WT1: variants seen among roughly 807,000 people sequenced by gnomAD.
WT1 encodes the protein WT1 transcription factor.
Under a neutral mutation model 60.8 loss-of-function variants are expected in WT1, and 8 were observed. The ratio of observed to expected loss-of-function variants is 0.13; its 90% CI spans 0.08 to 0.24. The LOEUF (loss-of-function observed/expected upper bound fraction) is 0.24, where lower values mean the gene tolerates loss of function less well. WT1 is among the 10% of genes least tolerant of loss of function. WT1 has a pLI of 1.00. For missense variants in WT1, 568 were observed against 711.8 expected, an observed-to-expected ratio of 0.80 and a Z score of 2.30; for synonymous variants, 312 against 297.1, an observed-to-expected ratio of 1.05 and a Z score of -0.52.
intron 3 of WT1, among the ~76,000 whole-genome samples, chr11:32,424,644 A>G (rs1363118209): frequency 1.3e-5 from 2 of 152,186 alleles, no homozygotes; most frequent in African/African-American, 2.4e-5. Flanking sequence ...GTCATTTCCC[A>G]TAAGTTGCTG....
intron 5 of WT1, among the ~76,000 whole-genome samples, chr11:32,412,446 A>T (rs1590366561): frequency 6.6e-6 from 1 of 152,132 alleles, no homozygotes; most frequent in Non-Finnish European, 1.5e-5. Context: ...TCCCCAGAGA[A>T]TAACTTCTTC....
At chr11:32,413,967 G>A (rs2133020937) in intron 5 of WT1, among the ~76,000 whole-genome samples, 2 of 152,308 alleles carry the variant, frequency 1.3e-5, no homozygotes, top group Admixed American at 1.3e-4. Context: ...TGTGGCCATA[G>A]TGTCCTGGGG....
At chr11:32,425,109 T>C (rs1852984148) in intron 3 of WT1, among the ~76,000 whole-genome samples, 1 of 147,166 alleles carries the variant, frequency 6.8e-6, no homozygotes. Context: ...ATCTGGGAGA[T>C]GGAGTTGCAG....
intron 3 of WT1, among the ~76,000 whole-genome samples, chr11:32,420,779 G>A (rs969311155): frequency 6.6e-6 from 1 of 152,274 alleles, no homozygotes; most frequent in Admixed American, 6.5e-5. Flanking sequence ...AGAAAATGAC[G>A]ATGCTGCAAG....
At position 32,389,012 on chromosome 11, in the gene WT1, C is replaced by T. The variant is rs773040516; in HGVS notation, c.*46G>A. On this transcript the variant is annotated 3_prime_UTR_variant, in exon 10 of 10. Transcript: ENST00000452863. ...GAGAGTCAGACTTGAAAGCAGTTCA[C>T]ACACTGTGCTGCCTGGGACACTGAA... 3 of 1,613,706 alleles carry T rather than the reference C, an allele frequency of 1.9e-6. No homozygotes were observed. The highest frequency in any genetic ancestry group is 2.5e-6 in the Non-Finnish European group (3 of 1,179,920).
At chr11:32,412,794 T>C (rs1210707222) in intron 5 of WT1, among the ~76,000 whole-genome samples, 2 of 146,052 alleles carry the variant, frequency 1.4e-5, no homozygotes, top group Non-Finnish European at 3.0e-5. Context: ...CTGACTTAAA[T>C]TGAAATACAT....
rs973994577 is a variant in WT1 at position 32,417,518 on chromosome 11, A to G, written c.965+59T>C. 8.1e-6 allele frequency: 12 copies of G among 1,483,874 alleles called. No individual in the cohort carries two copies. In the African/African-American group the frequency reaches 1.7e-4, roughly 21 times the overall value. The allele number at this position is 1,483,874 out of a possible 1,614,324, so 91.9% of individuals were successfully genotyped here. ...TCTTCATAAGTTCTAAGCACCTTTG[A>G]AATGGTTCAAACAGGTATAAGTTAC... is the stretch of plus-strand genomic sequence containing the variant. On this transcript the variant is annotated intron_variant, in intron 4 of 9. Transcript: ENST00000452863.
At chr11:32,426,193 C>T (rs145995838) in intron 3 of WT1, among the ~76,000 whole-genome samples, 1 of 152,248 alleles carries the variant, frequency 6.6e-6, no homozygotes, top group African/African-American at 2.4e-5. Flanking sequence ...CCTCCCATAT[C>T]GACAGTGCCC....
chr11:32,401,663 C>T (rs113810570), intron 5 of WT1, among the ~76,000 whole-genome samples: 2 of 152,186 alleles, frequency 1.3e-5, no homozygotes, highest in African/African-American at 4.8e-5. Context: ...CCTCAGCCTC[C>T]GGAGTAGCTG....
At chr11:32,408,213 G>GAAAAA (rs528702262) in intron 5 of WT1, among the ~76,000 whole-genome samples, 1 of 107,998 alleles carries the variant, frequency 9.3e-6, no homozygotes. Flanking sequence ...CTCCATCTCA[G>GAAAAA]AAAAAAAAAA....
At chr11:32,403,572 CTTTTTT>C (rs398055138) in intron 5 of WT1, among the ~76,000 whole-genome samples, 2 of 128,776 alleles carry the variant, frequency 1.6e-5, no homozygotes, top group Non-Finnish European at 1.6e-5. Context: ...ATGAATATTA[CTTTTTT>C]TTTTTTTTTT....
At chr11:32,428,280 A>C (rs147467689) in intron 2 of WT1, among the ~76,000 whole-genome samples, 1 of 152,352 alleles carries the variant, frequency 6.6e-6, no homozygotes, top group East Asian at 1.9e-4. Flanking sequence ...CCCTCCGGAC[A>C]TTCATAGACT....
chr11:32,416,455 C>T (rs552721179), intron 5 of WT1, 35 bp downstream of exon 5: 2 of 1,613,928 alleles, frequency 1.2e-6, no homozygotes, highest in African/African-American at 1.3e-5. Context: ...AAGGCCTACG[C>T]CATTTGCTTT....
At chr11:32,398,218 A>G (rs1852032859) in intron 6 of WT1, among the ~76,000 whole-genome samples, 1 of 152,202 alleles carries the variant, frequency 6.6e-6, no homozygotes, top group African/African-American at 2.4e-5. Flanking sequence ...TAATCAGAAC[A>G]TCTCAGAGCT....
intron 3 of WT1, among the ~76,000 whole-genome samples, chr11:32,421,067 C>G (rs1852838232): frequency 6.6e-6 from 1 of 152,212 alleles, no homozygotes; most frequent in African/African-American, 2.4e-5. Flanking sequence ...GCCTGGCTGG[C>G]ACGGCCTTTC....
chr11:32,416,431 A>G lies in WT1; in HGVS notation c.1016+59T>C, dbSNP rs940157743. The G allele has an allele frequency of 3.0e-5, 49 of 1,609,102 alleles. No homozygotes were observed. In the African/African-American group the frequency reaches 5.5e-4, roughly 18 times the overall value. ...TCAGTCCTAACTCCTGCATTGCCCCAGGTGCCAGTCAGCAAGGCCTACGCC... is the reference window on the plus strand; with the variant it reads ...TCAGTCCTAACTCCTGCATTGCCCCGGGTGCCAGTCAGCAAGGCCTACGCC... On this transcript the variant is annotated intron_variant, in intron 5 of 9. Coordinates refer to ENST00000452863, the MANE Select transcript of WT1 (RefSeq NM_024426.6).
At chr11:32,409,296 G>A (rs761045818) in intron 5 of WT1, among the ~76,000 whole-genome samples, 13 of 151,792 alleles carry the variant, frequency 8.6e-5, no homozygotes, top group Non-Finnish European at 1.3e-4. Context: ...AAGCATGATC[G>A]AAAAGTCAAA....
chr11:32,429,267 C>G (rs1853179833), intron 1 of WT1, among the ~76,000 whole-genome samples: 1 of 152,206 alleles, frequency 6.6e-6, no homozygotes, highest in South Asian at 2.1e-4. Context: ...CTGCGCTCTC[C>G]TCCTCCTCCC....
At chr11:32,427,279 CG>C (rs1853085017) in intron 3 of WT1, among the ~76,000 whole-genome samples, 1 of 152,284 alleles carries the variant, frequency 6.6e-6, no homozygotes, top group Admixed American at 6.5e-5. Flanking sequence ...GAAGGTGGAG[CG>C]AGAGGCGAGA....
Sources: gnomAD v4.1 joint callset for allele counts (sites outside exome capture counted in the v4.1 genomes callset) on GRCh38, gnomAD v4.1.1 for gene constraint, MANE v1.5 for transcripts, NCBI Gene and HGNC (gene_info 2026-07-23, HGNC 2026-07-21) for gene names.